CACNA2D1: variants seen among roughly 807,000 people sequenced by gnomAD.
The protein encoded by CACNA2D1 is calcium voltage-gated channel auxiliary subunit alpha2delta 1.
In CACNA2D1, 53 loss-of-function variants were observed where a neutral mutation model predicts 171.5. The observed-to-expected ratio is 0.31, with a 90% CI of 0.25 to 0.39. The LOEUF is 0.39. Ranked by LOEUF, CACNA2D1 falls within the 10% of genes least tolerant of loss-of-function variation. The probability of loss-of-function intolerance (pLI) is 1.00; values close to 1 mark genes in which losing one functional copy is unlikely to be tolerated. For synonymous variants in CACNA2D1, 442 were observed against 443.1 expected (o/e 1.00, Z 0.03); for missense variants, 903 against 1,299.8 (o/e 0.69, Z 4.69).
intron 24 of CACNA2D1, among the ~76,000 whole-genome samples, chr7:81,975,804 A>ATGTACATAGTAT (rs111649872): frequency 2.6e-5 from 4 of 151,626 alleles, no homozygotes; most frequent in Non-Finnish European, 5.9e-5. Context: ...GGAATGAATC[A>ATGTACATAGTAT]TGTATACAAC....
intron 4 of CACNA2D1, among the ~76,000 whole-genome samples, chr7:82,137,284 GC>G (rs1791733672): frequency 6.6e-6 from 1 of 152,128 alleles, no homozygotes; most frequent in Non-Finnish European, 1.5e-5. Flanking sequence ...GACTCTGCTA[GC>G]CATCAGTTTC....
chr7:82,400,169 T>C (rs1187744115), intron 1 of CACNA2D1, among the ~76,000 whole-genome samples: 1 of 150,982 alleles, frequency 6.6e-6, no homozygotes, highest in Non-Finnish European at 1.5e-5. Flanking sequence ...GGCTTAGGAT[T>C]GACTTGGCGA....
At position 82,298,651 on chromosome 7, in the gene CACNA2D1, C is replaced by A. The variant is rs969861316; in HGVS notation, c.294+36484G>T. 3.3e-5 allele frequency among the ~76,000 whole-genome samples: 5 copies of A among 151,930 alleles called. No individual in the cohort carries two copies. The South Asian group carries it at 8.3e-4, about 25-fold the overall frequency. On this transcript the variant is annotated intron_variant, in intron 3 of 38. Coordinates refer to ENST00000356860, the MANE Select transcript of CACNA2D1 (RefSeq NM_000722.4). ...AAAGCAATGGCTTTTCACAGGCACA[C>A]TTCAGCCTCTAACTCCTAGGCTTGA...
At chr7:82,407,264 A>G (rs1197036705) in intron 1 of CACNA2D1, among the ~76,000 whole-genome samples, 1 of 152,252 alleles carries the variant, frequency 6.6e-6, no homozygotes, top group Non-Finnish European at 1.5e-5. Flanking sequence ...AAGAGGAAGT[A>G]GAAAATGAAT....
chr7:82,070,088 C>G (rs1808140143), intron 7 of CACNA2D1, among the ~76,000 whole-genome samples: 1 of 152,118 alleles, frequency 6.6e-6, no homozygotes, highest in South Asian at 2.1e-4. Flanking sequence ...TACTGCATAG[C>G]TCACAAAATT....
chr7:82,279,988 C>T (rs1460882969), intron 3 of CACNA2D1, among the ~76,000 whole-genome samples: 2 of 152,050 alleles, frequency 1.3e-5, no homozygotes, highest in African/African-American at 4.8e-5. Flanking sequence ...TAATTGCATG[C>T]TATTTTCTAT....
chr7:82,195,966 C>A (rs1324164264), intron 3 of CACNA2D1, among the ~76,000 whole-genome samples: 1 of 152,020 alleles, frequency 6.6e-6, no homozygotes, highest in African/African-American at 2.4e-5. Context: ...CAGAAATTCC[C>A]ACTTTGGGGT....
At chr7:82,077,623 G>C (rs949987927) in intron 7 of CACNA2D1, among the ~76,000 whole-genome samples, 4 of 152,142 alleles carry the variant, frequency 2.6e-5, no homozygotes, top group African/African-American at 9.7e-5. Flanking sequence ...TAGCTAGTAA[G>C]AGTCCTAACT....
chr7:82,391,832 T>C lies in CACNA2D1; in HGVS notation c.96-42183A>G, dbSNP rs150725153. The stretch of plus-strand genomic sequence containing the variant: ...AAATGCTTCTTCTAGAAAAGTTGTT[T>C]ATTGAACCATTACTGTGGATGTGTA... On this transcript the variant is annotated intron_variant, in intron 1 of 38. Transcript: ENST00000356860. Among the ~76,000 whole-genome samples the C allele has an allele frequency of 9.4e-3, 1,425 of 152,356 alleles. 48 individuals carry two copies. The highest frequency in any genetic ancestry group is 0.063 in the Admixed American group (958 of 15,296).
chr7:82,204,636 C>T (rs1799822642), intron 3 of CACNA2D1, among the ~76,000 whole-genome samples: 1 of 152,132 alleles, frequency 6.6e-6, no homozygotes, highest in Admixed American at 6.5e-5. Flanking sequence ...ACTCCCTCAG[C>T]CTAGGGAGTG....
intron 5 of CACNA2D1, among the ~76,000 whole-genome samples, chr7:82,125,921 C>A (rs772794862): frequency 1.1e-4 from 17 of 152,108 alleles, no homozygotes; most frequent in African/African-American, 1.7e-4. Context: ...ATTATTAACA[C>A]ATTCAGATAC....
intron 1 of CACNA2D1, among the ~76,000 whole-genome samples, chr7:82,384,721 T>C (rs562658081): frequency 1.1e-4 from 17 of 152,292 alleles, no homozygotes; most frequent in Middle Eastern, 3.4e-3. Context: ...ATGCTAAGGA[T>C]AAAAGAAATG....
intron 1 of CACNA2D1, among the ~76,000 whole-genome samples, chr7:82,410,322 T>G (rs746919479): frequency 1.8e-4 from 28 of 152,180 alleles, no homozygotes; most frequent in Non-Finnish European, 3.4e-4. Flanking sequence ...GGGGAGGCCC[T>G]AAAATATACC....
At chr7:82,060,796 A>T (rs531296697) in intron 9 of CACNA2D1, among the ~76,000 whole-genome samples, 39 of 152,232 alleles carry the variant, frequency 2.6e-4, no homozygotes, top group Non-Finnish European at 1.6e-4. Context: ...ATTAAAAAAA[A>T]ATATGGATAC....
Position 82,443,534 on chromosome 7 carries a change from G to A in CACNA2D1, c.-75C>T. 1.3e-6 allele frequency: 2 copies of A among 1,564,182 alleles called. No individual in the cohort carries two copies. Among genetic ancestry groups the A allele is most frequent in the Non-Finnish European group, 1.7e-6 (2 of 1,155,804 alleles). On this transcript the variant is annotated 5_prime_UTR_variant, in exon 1 of 39. Transcript: ENST00000356860. ...GCGGCGCTGGAAACCGCGGGCGGAG[G>A]AAGAGCAGCACACGCCGCCGGGACC...
At chr7:82,021,116 A>G (rs1220821026) in intron 12 of CACNA2D1, 1 of 152,140 alleles carries the variant, frequency 6.6e-6, no homozygotes, top group Non-Finnish European at 1.5e-5. Context: ...CTCTATATGC[A>G]TTTAGTACTA....
At chr7:82,041,872 T>G (rs1292107805) in intron 10 of CACNA2D1, among the ~76,000 whole-genome samples, 1 of 152,214 alleles carries the variant, frequency 6.6e-6, no homozygotes. Context: ...GAAATATTAT[T>G]AACTGACTTA....
intron 1 of CACNA2D1, among the ~76,000 whole-genome samples, chr7:82,437,639 A>G (rs1250758531): frequency 6.6e-6 from 1 of 152,186 alleles, no homozygotes; most frequent in Non-Finnish European, 1.5e-5. Context: ...AACTATAAAA[A>G]GTGTGCCGGT....
At chr7:81,990,991 T>G (rs183602668) in intron 21 of CACNA2D1, among the ~76,000 whole-genome samples, 194 bp downstream of exon 21, 1 of 152,124 alleles carries the variant, frequency 6.6e-6, no homozygotes, top group Non-Finnish European at 1.5e-5. Flanking sequence ...TTATATCACA[T>G]AGGTTTTCAT....
Sources: allele counts gnomAD v4.1 joint callset (sites outside exome capture counted in the v4.1 genomes callset), GRCh38; gene constraint gnomAD v4.1.1; transcripts MANE v1.5; gene names NCBI Gene and HGNC (gene_info 2026-07-23, HGNC 2026-07-21).